RBFOX1: variants seen among roughly 807,000 people sequenced by gnomAD.
RBFOX1 encodes RNA binding fox-1 homolog 1, also known as RNA binding protein fox-1 homolog 1.
RBFOX1 carries 8 observed loss-of-function variants against 57.7 expected under a neutral mutation model. That is an observed-to-expected ratio of 0.14 (90% confidence interval 0.08 to 0.25). The LOEUF (loss-of-function observed/expected upper bound fraction) is 0.25, where lower values mean the gene tolerates loss of function less well. Among genes scored for constraint, RBFOX1 ranks in the 10% least tolerant of loss-of-function variants. The pLI is 1.00. For synonymous variants in RBFOX1, 326 were observed against 222.4 expected (o/e 1.47, Z -4.15); for missense variants, 611 against 548.5 (o/e 1.11, Z -1.14).
chr16:7,076,597 G>A (rs1416369702), intron 4 of RBFOX1, among the ~76,000 whole-genome samples: 2 of 152,080 alleles, frequency 1.3e-5, no homozygotes, highest in Non-Finnish European at 2.9e-5. Flanking sequence ...TCAAATTACT[G>A]CTTTAGCAAA....
intron 1 of RBFOX1, among the ~76,000 whole-genome samples, chr16:6,076,020 C>T (rs541667703): frequency 8.5e-5 from 13 of 152,232 alleles, no homozygotes; most frequent in Admixed American, 3.9e-4. Flanking sequence ...AGCTCTTGGC[C>T]GGGCGTGGTG....
intron 2 of RBFOX1, among the ~76,000 whole-genome samples, chr16:6,348,500 C>G (rs553568921): frequency 2.6e-5 from 4 of 152,036 alleles, no homozygotes; most frequent in African/African-American, 9.7e-5. Context: ...TCTTGCACTG[C>G]TATAAGGAAA....
intron 3 of RBFOX1, among the ~76,000 whole-genome samples, chr16:7,030,776 G>T (rs962752621): frequency 3.3e-5 from 5 of 152,060 alleles, no homozygotes; most frequent in African/African-American, 1.2e-4. Flanking sequence ...AAAGTTATGG[G>T]GTCTAATTAA....
chr16:5,561,256 C>G (rs931569744), intron 2 of RBFOX1, among the ~76,000 whole-genome samples: 1 of 151,262 alleles, frequency 6.6e-6, no homozygotes, highest in African/African-American at 2.5e-5. Flanking sequence ...TGGTTAAAAC[C>G]AACTTTCTTT....
intron 4 of RBFOX1, among the ~76,000 whole-genome samples, chr16:7,407,740 G>A (rs1251200421): frequency 2.0e-5 from 3 of 152,182 alleles, no homozygotes; most frequent in Non-Finnish European, 2.9e-5. Flanking sequence ...GACTGTGCAA[G>A]TCTTCACAGT....
intron 3 of RBFOX1, among the ~76,000 whole-genome samples, chr16:6,829,065 A>G (rs1843483012): frequency 2.0e-5 from 3 of 152,132 alleles, no homozygotes; most frequent in African/African-American, 4.8e-5. Context: ...ACCTGCCGGG[A>G]TCAGGGTCCC....
chr16:6,186,454 A>G (rs1315920326), intron 1 of RBFOX1, among the ~76,000 whole-genome samples: 1 of 152,160 alleles, frequency 6.6e-6, no homozygotes, highest in Non-Finnish European at 1.5e-5. Context: ...GTCTGTAAAG[A>G]TACTTGCTTG....
chr16:5,768,136 C>A (rs1567515452), intron 3 of RBFOX1, among the ~76,000 whole-genome samples: 1 of 152,170 alleles, frequency 6.6e-6, no homozygotes, highest in African/African-American at 2.4e-5. Context: ...TCTCTATAGT[C>A]TGCAAGCTTA....
rs2096258894 is a variant in RBFOX1, at chr16:6,097,453, T to C, written c.-127+77461T>C. On this transcript the variant is annotated intron_variant, in intron 1 of 15. Transcript: ENST00000550418. This position sits in a 1 kb window ranked among gnomAD's most constrained non-coding sequence, Gnocchi z 5.0. ...GGAGTTTGTGAGAGATGCAGATTCT[T>C]GGTGCCCATCCAAACCTACAGAAGC... is the stretch of plus-strand genomic sequence containing the variant. Among the ~76,000 whole-genome samples the C allele has an allele frequency of 1.3e-5, 2 of 152,178 alleles. No individual in the cohort carries two copies. Among genetic ancestry groups the C allele is most frequent in the Non-Finnish European group, 2.9e-5 (2 of 68,036 alleles).
intron 4 of RBFOX1, among the ~76,000 whole-genome samples, chr16:7,392,355 T>C (rs906097815): frequency 2.0e-4 from 30 of 152,110 alleles, no homozygotes; most frequent in African/African-American, 4.1e-4. Context: ...ATTTGGACAA[T>C]GGCCTGTTTC....
chr16:5,285,159 C>G (rs569285875), intron 1 of RBFOX1, among the ~76,000 whole-genome samples: 70 of 152,160 alleles, frequency 4.6e-4, no homozygotes, highest in Non-Finnish European at 9.4e-4. Context: ...TTTTTTCTTT[C>G]TTTTTGTCTG....
intron 2 of RBFOX1, among the ~76,000 whole-genome samples, chr16:6,551,370 T>C (rs192867748): frequency 1.3e-5 from 2 of 152,306 alleles, no homozygotes; most frequent in East Asian, 3.9e-4. Flanking sequence ...TCAACAACTG[T>C]GTGCCTAAAT....
chr16:5,324,578 T>C (rs972694236), intron 1 of RBFOX1, among the ~76,000 whole-genome samples: 6 of 152,182 alleles, frequency 3.9e-5, no homozygotes, highest in Non-Finnish European at 5.9e-5. Flanking sequence ...CAGTGGTAGA[T>C]TGGATAAAGA....
At chr16:6,485,685 C>G (rs2095463859) in intron 2 of RBFOX1, among the ~76,000 whole-genome samples, 1 of 152,172 alleles carries the variant, frequency 6.6e-6, no homozygotes, top group African/African-American at 2.4e-5. Context: ...TCTTTGAAAA[C>G]ACTTTTACTA....
At chr16:7,541,934 C>T (rs753584033) in intron 5 of RBFOX1, among the ~76,000 whole-genome samples, 57 of 152,320 alleles carry the variant, frequency 3.7e-4, no homozygotes, top group Non-Finnish European at 5.9e-4. Flanking sequence ...GCCAAGTTTC[C>T]CAGCAAAGAG....
intron 2 of RBFOX1, among the ~76,000 whole-genome samples, chr16:5,565,352 G>A (rs760404723): frequency 1.1e-4 from 17 of 152,164 alleles, no homozygotes; most frequent in Non-Finnish European, 1.9e-4. Flanking sequence ...ATGGCCGGGC[G>A]CAGTGGCTCA....
intron 2 of RBFOX1, among the ~76,000 whole-genome samples, chr16:6,500,891 T>G (rs111626242): frequency 4.9e-5 from 1 of 20,570 alleles, no homozygotes; most frequent in Admixed American, 8.0e-4. Context: ...TTTTTTTTTT[T>G]TTTTTTTTTT....
intron 2 of RBFOX1, among the ~76,000 whole-genome samples, chr16:6,453,206 G>T (rs903657006): frequency 6.6e-6 from 1 of 152,054 alleles, no homozygotes; most frequent in Admixed American, 6.6e-5. Flanking sequence ...GTGGTTTGCT[G>T]CACCCATCAA....
At chr16:6,106,313 T>G (rs376001399) in intron 1 of RBFOX1, among the ~76,000 whole-genome samples, 1 of 151,520 alleles carries the variant, frequency 6.6e-6, no homozygotes, top group African/African-American at 2.4e-5. Flanking sequence ...CAAAAAAAAT[T>G]AGTCAGGCTT....
Sources: gnomAD v4.1 joint callset for allele counts (sites outside exome capture counted in the v4.1 genomes callset) on GRCh38, gnomAD v4.1.1 for gene constraint, Gnocchi (gnomAD v3.1) non-coding constraint, MANE v1.5 for transcripts, NCBI Gene and HGNC (gene_info 2026-07-23, HGNC 2026-07-21) for gene names.